The following CNTN1 variants were observed in gnomAD, a reference collection of about 807,000 sequenced individuals.
CNTN1 encodes the protein contactin-1.
Under a neutral mutation model 126.4 loss-of-function variants are expected in CNTN1, and 38 were observed. The ratio of observed to expected loss-of-function variants is 0.30; its 90% confidence interval spans 0.23 to 0.39. The LOEUF (loss-of-function observed/expected upper bound fraction) is 0.39, where lower values mean the gene tolerates loss of function less well. Among genes scored for constraint, CNTN1 ranks in the 10% least tolerant of loss-of-function variants. CNTN1 has a pLI of 1.00. For synonymous variants in CNTN1, 413 were observed against 422.6 expected (o/e 0.98, Z 0.28); for missense variants, 1,009 against 1,248.4 (o/e 0.81, Z 2.89).
chr12:41,019,973 T>C (rs181470923), intron 19 of CNTN1, among the ~76,000 whole-genome samples: 1 of 152,236 alleles, frequency 6.6e-6, no homozygotes, highest in East Asian at 1.9e-4. Context: ...TTCTTAAGCA[T>C]ATCAGTTGAG....
intron 1 of CNTN1, among the ~76,000 whole-genome samples, chr12:40,719,499 GT>G (rs1458155999): frequency 1.3e-5 from 2 of 152,104 alleles, no homozygotes; most frequent in African/African-American, 4.8e-5. Flanking sequence ...GTTACTAAAT[GT>G]CACAACTGAA....
intron 14 of CNTN1, among the ~76,000 whole-genome samples, chr12:40,955,673 A>G (rs962200714): frequency 2.0e-5 from 3 of 152,102 alleles, no homozygotes; most frequent in Admixed American, 6.6e-5. Context: ...AGTACTTTGT[A>G]TGTAATAATA....
chr12:40,799,425 A>T (rs1162397275), intron 1 of CNTN1, among the ~76,000 whole-genome samples: 1 of 151,922 alleles, frequency 6.6e-6, no homozygotes, highest in African/African-American at 2.4e-5. Context: ...TGATGAGTTT[A>T]TTTTTTCCTC....
intron 14 of CNTN1, among the ~76,000 whole-genome samples, chr12:40,957,923 G>A (rs1433073782): frequency 6.6e-6 from 1 of 151,954 alleles, no homozygotes; most frequent in African/African-American, 2.4e-5. Flanking sequence ...AGAACTGGAG[G>A]GAACATGATA....
intron 1 of CNTN1, among the ~76,000 whole-genome samples, chr12:40,868,819 G>A (rs974102738): frequency 6.6e-6 from 1 of 152,038 alleles, no homozygotes; most frequent in Admixed American, 6.6e-5. Context: ...CTTCCCAGCA[G>A]CTGTAACCTC....
At chr12:40,694,530 T>G (rs1481791505) in intron 1 of CNTN1, among the ~76,000 whole-genome samples, 1 of 152,202 alleles carries the variant, frequency 6.6e-6, no homozygotes, top group Admixed American at 6.5e-5. Flanking sequence ...ATAGAATACT[T>G]TTTAGCTTCC....
chr12:40,778,224 A>G (rs970901025), intron 1 of CNTN1, among the ~76,000 whole-genome samples: 2 of 151,824 alleles, frequency 1.3e-5, no homozygotes, highest in Non-Finnish European at 2.9e-5. Flanking sequence ...CACCATTTCC[A>G]TGTTATCATC....
chr12:40,778,435 G>C (rs754975575), intron 1 of CNTN1, among the ~76,000 whole-genome samples: 25 of 151,738 alleles, frequency 1.6e-4, no homozygotes, highest in Non-Finnish European at 3.5e-4. Flanking sequence ...AAAGAACAAA[G>C]TATTTATCTG....
chr12:40,918,607 T>C (rs777219139), intron 3 of CNTN1, 32 bp from the exon 4 acceptor site: 2 of 1,604,522 alleles, frequency 1.2e-6, no homozygotes, highest in South Asian at 1.1e-5. Context: ...TATAAAGCAG[T>C]ACAATGTAAA....
Position 40,924,607 on chromosome 12 carries a change from G to T in CNTN1, c.451G>T (p.Gly151Trp). Residue 151 changes from glycine to tryptophan, a missense_variant, in exon 6 of 24, where the codon GGG becomes TGG. Physicochemically the swap from Gly to Trp is radical, Grantham distance 184. Transcript: ENST00000551295. ...ACGTCCTGAGGTCAGAGTAAAAGAAGGGAAAGGAATGGTGCTTCTCTGTGA... is the reference window on the plus strand; with the variant it reads ...ACGTCCTGAGGTCAGAGTAAAAGAATGGAAAGGAATGGTGCTTCTCTGTGA... ...EERPEVRVKE[G>W]KGMVLLCDPP... is the part of the protein sequence containing the mutation. 1 of 1,608,844 alleles carries T rather than the reference G, an allele frequency of 6.2e-7. No individual in the cohort carries two copies. Among genetic ancestry groups the T allele is most frequent in the Non-Finnish European group, 8.5e-7 (1 of 1,175,860 alleles).
chr12:40,799,677 A>G (rs1473853576), intron 1 of CNTN1, among the ~76,000 whole-genome samples: 1 of 152,034 alleles, frequency 6.6e-6, no homozygotes, highest in Non-Finnish European at 1.5e-5. Flanking sequence ...TCTGTACTAG[A>G]TGTGTACAAT....
intron 23 of CNTN1, among the ~76,000 whole-genome samples, chr12:41,057,019 T>TATTATATTTA (rs1357240332): frequency 1.6e-5 from 1 of 63,430 alleles, no homozygotes; most frequent in Non-Finnish European, 2.7e-5. Context: ...TATTTATAAA[T>TATTATATTTA]GATATTTATA....
At chr12:41,048,476 G>A (rs191039271) in intron 23 of CNTN1, among the ~76,000 whole-genome samples, 1 of 152,072 alleles carries the variant, frequency 6.6e-6, no homozygotes, top group Non-Finnish European at 1.5e-5. Context: ...TAAGATCCTG[G>A]CTGAATGTTC....
intron 16 of CNTN1, among the ~76,000 whole-genome samples, chr12:40,982,924 A>G (rs1276377107): frequency 8.1e-6 from 1 of 123,098 alleles, no homozygotes; most frequent in African/African-American, 3.1e-5. Context: ...GGGGAACATC[A>G]CACACCGGGG....
intron 15 of CNTN1, chr12:40,972,422 G>A (rs1315979739): frequency 3.1e-6 from 3 of 983,340 alleles, no homozygotes; most frequent in Non-Finnish European, 3.6e-6. Flanking sequence ...AAATAATTTT[G>A]ATTTTCTTAG....
chr12:40,703,985 T>C (rs1941669348), intron 1 of CNTN1, among the ~76,000 whole-genome samples: 1 of 152,140 alleles, frequency 6.6e-6, no homozygotes, highest in South Asian at 2.1e-4. Context: ...GGAATTGTTC[T>C]ATGCAGAGGA....
At chr12:40,929,652 C>A in intron 6 of CNTN1, 144 bp from the exon 7 acceptor site, 1 of 669,038 alleles carries the variant, frequency 1.5e-6, no homozygotes, top group Non-Finnish European at 2.7e-6. Context: ...TAAAAGTGTG[C>A]ACTGTTTGTC....
chr12:40,703,791 G>T (rs1259758961), intron 1 of CNTN1, among the ~76,000 whole-genome samples: 1 of 20,776 alleles, frequency 4.8e-5, no homozygotes, highest in East Asian at 1.6e-3. Context: ...TATATTGTTG[G>T]TGAGAGGAGG....
chr12:40,813,666 T>A (rs1941166384), intron 1 of CNTN1, among the ~76,000 whole-genome samples: 1 of 152,232 alleles, frequency 6.6e-6, no homozygotes, highest in Admixed American at 6.5e-5. Context: ...CATTTGCATG[T>A]GTCTTTATAA....
Sources: allele counts gnomAD v4.1 joint callset (sites outside exome capture counted in the v4.1 genomes callset), GRCh38; gene constraint gnomAD v4.1.1; transcripts MANE v1.5; gene names NCBI Gene and HGNC (gene_info 2026-07-23, HGNC 2026-07-21).